RHAG: variants seen among roughly 807,000 people sequenced by gnomAD.
RHAG encodes the protein ammonium transporter Rh type A.
Under a neutral mutation model 42.4 loss-of-function variants are expected in RHAG, and 25 were observed. The observed-to-expected ratio is 0.59, with a 90% CI of 0.43 to 0.82. The LOEUF is 0.82. Among genes scored for constraint, RHAG ranks in the 40% least tolerant of loss-of-function variants. RHAG has a pLI of 0.00. For synonymous variants in RHAG, 182 were observed against 177.7 expected, an observed-to-expected ratio of 1.02 and a Z score of -0.19; for missense variants, 483 against 504.6, an observed-to-expected ratio of 0.96 and a Z score of 0.41.
chr6:49,617,371 G>C lies in RHAG; in HGVS notation c.492+697C>G, dbSNP rs115887732. ...TGTATTGCAATTTATAATAACATTT[G>C]TGTGTTTGTGTCTTTGGGTGGGTGG... is the stretch of plus-strand genomic sequence containing the variant. On this transcript the variant is annotated intron_variant, in intron 3 of 9. Transcript: ENST00000371175. Among the ~76,000 whole-genome samples, 1,218 of 152,218 alleles carry C rather than the reference G, an allele frequency of 8.0e-3. 18 individuals carry two copies. Among genetic ancestry groups the C allele is most frequent in the African/African-American group, 0.028 (1,142 of 41,520 alleles).
chr6:49,636,413 G>C (rs1162668726), intron 1 of RHAG, among the ~76,000 whole-genome samples: 1 of 152,044 alleles, frequency 6.6e-6, no homozygotes, highest in Non-Finnish European at 1.5e-5. Flanking sequence ...AATACAAAAG[G>C]CATCAATTAT....
intron 9 of RHAG, 30 bp downstream of exon 9, chr6:49,606,817 TC>T (rs1762476007): frequency 7.0e-7 from 1 of 1,422,302 alleles, no homozygotes; most frequent in Admixed American, 1.7e-5. Flanking sequence ...GAGTCATCGT[TC>T]ACATTCTTGT....
intron 6 of RHAG, 132 bp downstream of exon 6, chr6:49,612,265 A>G: frequency 9.9e-7 from 1 of 1,010,170 alleles, no homozygotes; most frequent in Non-Finnish European, 1.5e-6. Context: ...TGGTATTTCC[A>G]AAAAGAAGGC....
intron 3 of RHAG, among the ~76,000 whole-genome samples, chr6:49,617,204 C>T (rs1306824459): frequency 6.6e-6 from 1 of 152,176 alleles, no homozygotes; most frequent in African/African-American, 2.4e-5. Context: ...GAACTTTTCT[C>T]CCCATTAGTT....
intron 1 of RHAG, among the ~76,000 whole-genome samples, chr6:49,635,893 A>G (rs1031798976): frequency 1.3e-5 from 2 of 152,170 alleles, no homozygotes; most frequent in Non-Finnish European, 2.9e-5. Flanking sequence ...AAAAGCAAAT[A>G]GTCTATATAA....
intron 1 of RHAG, among the ~76,000 whole-genome samples, chr6:49,630,510 C>A (rs551711632): frequency 6.6e-6 from 1 of 152,248 alleles, no homozygotes; most frequent in East Asian, 1.9e-4. Context: ...TTTTGGCAAT[C>A]TTTTGAACCA....
intron 7 of RHAG, among the ~76,000 whole-genome samples, chr6:49,609,619 G>A (rs1323829264): frequency 6.6e-6 from 1 of 152,152 alleles, no homozygotes; most frequent in African/African-American, 2.4e-5. Flanking sequence ...TGCAAAAAGG[G>A]TTAAAAAATA....
intron 1 of RHAG, among the ~76,000 whole-genome samples, chr6:49,620,187 A>G (rs574838908): frequency 5.0e-4 from 76 of 152,310 alleles, no homozygotes; most frequent in Non-Finnish European, 9.6e-4. Context: ...GACCCTGGGC[A>G]AGTCACTTAC....
intron 1 of RHAG, among the ~76,000 whole-genome samples, chr6:49,627,782 C>T (rs1762864217): frequency 1.3e-5 from 2 of 152,090 alleles, no homozygotes; most frequent in Non-Finnish European, 1.5e-5. Flanking sequence ...TGCAGGAGAA[C>T]TCCCCTTTAT....
intron 7 of RHAG, among the ~76,000 whole-genome samples, chr6:49,609,387 T>C (rs1024805394): frequency 2.0e-5 from 3 of 152,240 alleles, no homozygotes; most frequent in African/African-American, 4.8e-5. Flanking sequence ...ACGTGTTTTA[T>C]TGCATCTGTG....
intron 3 of RHAG, among the ~76,000 whole-genome samples, chr6:49,616,860 T>G (rs1389542248): frequency 6.6e-6 from 1 of 152,192 alleles, no homozygotes; most frequent in African/African-American, 2.4e-5. Context: ...CCTTCCCAGC[T>G]GGGAAACCTT....
At chr6:49,635,755 T>A (rs1258770041) in intron 1 of RHAG, among the ~76,000 whole-genome samples, 1 of 152,072 alleles carries the variant, frequency 6.6e-6, no homozygotes, top group Non-Finnish European at 1.5e-5. Flanking sequence ...CCTCAAAAAA[T>A]GTTGGAATAA....
intron 1 of RHAG, among the ~76,000 whole-genome samples, chr6:49,629,593 G>A (rs1318720530): frequency 6.6e-6 from 1 of 152,128 alleles, no homozygotes; most frequent in Non-Finnish European, 1.5e-5. Flanking sequence ...GCGCCGTGGA[G>A]CAGGGGGTGG....
intron 1 of RHAG, among the ~76,000 whole-genome samples, chr6:49,624,758 G>A (rs971347082): frequency 2.6e-5 from 4 of 152,172 alleles, no homozygotes; most frequent in Non-Finnish European, 5.9e-5. Context: ...GTAAACTGTG[G>A]TGTACATCTA....
chr6:49,607,862 A>G lies in RHAG; in HGVS notation c.1068-642T>C, dbSNP rs1762501921. Among the ~76,000 whole-genome samples the G allele has an allele frequency of 2.6e-5, 4 of 152,182 alleles. No individual in the cohort carries two copies. The South Asian group carries it at 8.3e-4, about 32-fold the overall frequency. ...ATAGCAGACAATAAAGAGTTGTTGA[A>G]AGACTGAATGAGTGACTCCAATGAA... is the stretch of plus-strand genomic sequence containing the variant. On this transcript the variant is annotated intron_variant, in intron 7 of 9. Transcript: ENST00000371175.
At chr6:49,613,450 A>T (rs1054703052) in intron 5 of RHAG, among the ~76,000 whole-genome samples, 2 of 152,218 alleles carry the variant, frequency 1.3e-5, no homozygotes, top group African/African-American at 2.4e-5. Flanking sequence ...GGTCATCAGT[A>T]CTTTTAAAAG....
intron 3 of RHAG, among the ~76,000 whole-genome samples, chr6:49,616,715 T>C (rs1187287260): frequency 6.6e-6 from 1 of 152,180 alleles, no homozygotes; most frequent in Non-Finnish European, 1.5e-5. Context: ...GGTCTCCTAG[T>C]TGTTGTTCCT....
At chr6:49,628,355 T>C (rs115957419) in intron 1 of RHAG, among the ~76,000 whole-genome samples, 9 of 152,288 alleles carry the variant, frequency 5.9e-5, no homozygotes, top group East Asian at 1.9e-4. Flanking sequence ...ATGTTTTCCA[T>C]GCTGATCTCA....
chr6:49,636,559 T>C (rs1411700305), intron 1 of RHAG, 97 bp downstream of exon 1: 2 of 1,246,304 alleles, frequency 1.6e-6, no homozygotes, highest in East Asian at 2.3e-5. Flanking sequence ...CATATAATTC[T>C]ACAAAGAGCT....
Sources: gnomAD v4.1 joint callset for allele counts (sites outside exome capture counted in the v4.1 genomes callset) on GRCh38, gnomAD v4.1.1 for gene constraint, MANE v1.5 for transcripts, NCBI Gene and HGNC (gene_info 2026-07-23, HGNC 2026-07-21) for gene names.